Variants in CDC34 observed in about 807,000 individuals in gnomAD.
The protein encoded by CDC34 is ubiquitin-conjugating enzyme E2 R1.
Under a neutral mutation model 26.8 loss-of-function variants are expected in CDC34, and 18 were observed. That is an observed-to-expected ratio of 0.67 (90% CI 0.47 to 1.00). The LOEUF is 1.00. CDC34 is among the 50% of genes least tolerant of loss of function. The pLI, the probability that CDC34 is intolerant of heterozygous loss-of-function variation, is 0.00. For synonymous variants in CDC34, 178 were observed against 147.5 expected, an observed-to-expected ratio of 1.21 and a Z score of -1.50; for missense variants, 280 against 334.5, an observed-to-expected ratio of 0.84 and a Z score of 1.27.
Position 534,096 on chromosome 19 carries a change from T to C in CDC34, c.178-1741T>C, listed in dbSNP as rs17841742. Among the ~76,000 whole-genome samples the C allele has an allele frequency of 4.2e-3, 635 of 152,302 alleles. 4 individuals carry two copies. Among genetic ancestry groups the C allele is most frequent in the African/African-American group, 0.014 (602 of 41,562 alleles). The stretch of plus-strand genomic sequence containing the variant: ...AGAGGTGCCCAAAATAAGAGGCTCA[T>C]TGGGACTTGGTGGGGTTTGGTACAG... On this transcript the variant is annotated intron_variant, in intron 1 of 4. Coordinates refer to ENST00000215574, the MANE Select transcript of CDC34 (RefSeq NM_004359.2).
At position 541,572 on chromosome 19, in the gene CDC34, C is replaced by A. The variant is rs376816532; in HGVS notation, c.*20C>A. The stretch of plus-strand genomic sequence containing the variant: ...TCCTGACACCACCAGAATAAACTTG[C>A]CGAGTTTACCTCACTAGGGCCGGAC... On this transcript the variant is annotated 3_prime_UTR_variant, in exon 5 of 5. Transcript: ENST00000215574. The A allele has an allele frequency of 6.5e-7, 1 of 1,547,900 alleles. No homozygotes were observed. Among genetic ancestry groups the A allele is most frequent in the South Asian group, 1.2e-5 (1 of 81,918 alleles).
chr19:535,017 C>T (rs907266273), intron 1 of CDC34, among the ~76,000 whole-genome samples: 1 of 152,254 alleles, frequency 6.6e-6, no homozygotes, highest in Non-Finnish European at 1.5e-5. Context: ...GTGTCTGGCA[C>T]TGGGGCCCAG....
chr19:536,978 C>T, intron 3 of CDC34, 35 bp from the exon 4 acceptor site: 1 of 1,612,596 alleles, frequency 6.2e-7, no homozygotes, highest in Non-Finnish European at 8.5e-7. Context: ...CTGGGGTGCC[C>T]CGGGCCGCCC....
intron 4 of CDC34, chr19:538,629 C>T: frequency 9.4e-6 from 8 of 853,230 alleles, no homozygotes; most frequent in Non-Finnish European, 1.1e-5. Flanking sequence ...ATCTTAAAAA[C>T]AACTTTTAAA....
intron 4 of CDC34, 87 bp from the exon 5 acceptor site, chr19:541,252 G>T: frequency 1.4e-6 from 2 of 1,437,736 alleles, no homozygotes; most frequent in Admixed American, 2.7e-5. Context: ...TGAGCGTTGG[G>T]GTGAGCGTCG....
chr19:534,998 A>T (rs1979673996), intron 1 of CDC34, among the ~76,000 whole-genome samples: 1 of 152,224 alleles, frequency 6.6e-6, no homozygotes, highest in Non-Finnish European at 1.5e-5. Flanking sequence ...CCTGACCCAG[A>T]CAACCTCTGT....
At chr19:539,606 TC>T (rs1716555907) in intron 4 of CDC34, among the ~76,000 whole-genome samples, 1 of 152,044 alleles carries the variant, frequency 6.6e-6, no homozygotes, top group Admixed American at 6.5e-5. Flanking sequence ...CCTGGTGCCC[TC>T]CCATGCGGGC....
Position 532,040 on chromosome 19 carries a change from G to A in CDC34, c.109G>A (p.Asp37Asn). The change falls in exon 1 of 5, where the codon GAT (aspartate) becomes AAT (asparagine). Residue 37 changes from aspartate to asparagine, a missense_variant. Asp to Asn is a conservative substitution (Grantham distance 23). Coordinates refer to ENST00000215574, the MANE Select transcript of CDC34 (RefSeq NM_004359.2). ...GFRVTLVDEG[D>N]LYNWEVAIFG... ...CCGCGTGACACTGGTGGACGAGGGC[G>A]ATCTATACAACTGGGAGGTGGCCAT... 6.6e-7 allele frequency: 1 copy of A among 1,520,732 alleles called. No homozygotes were observed. The highest frequency in any genetic ancestry group is 8.7e-7 in the Non-Finnish European group (1 of 1,143,070). 94.2% of individuals were successfully genotyped at this position (1,520,732 alleles called of 1,614,324 possible).
chr19:532,659 G>C (rs1010945402), intron 1 of CDC34, among the ~76,000 whole-genome samples: 1 of 152,228 alleles, frequency 6.6e-6, no homozygotes, highest in Non-Finnish European at 1.5e-5. Flanking sequence ...GCGGCCACTC[G>C]CTCAGTCTCC....
chr19:534,421 C>T (rs1979635567), intron 1 of CDC34, among the ~76,000 whole-genome samples: 1 of 150,012 alleles, frequency 6.7e-6, no homozygotes. Flanking sequence ...CCCCGAGTAC[C>T]CTCCCTGTCC....
intron 1 of CDC34, among the ~76,000 whole-genome samples, chr19:535,378 A>G (rs1979692485): frequency 6.6e-6 from 1 of 152,186 alleles, no homozygotes; most frequent in South Asian, 2.1e-4. Context: ...CATCTGTGCT[A>G]ACCCTCCCCA....
chr19:535,060 C>A (rs1979677003), intron 1 of CDC34, among the ~76,000 whole-genome samples: 1 of 152,218 alleles, frequency 6.6e-6, no homozygotes, highest in Admixed American at 6.5e-5. Flanking sequence ...TGTTTACCTG[C>A]TGTGGCCCAG....
intron 1 of CDC34, among the ~76,000 whole-genome samples, chr19:533,755 G>A (rs972109854): frequency 1.6e-4 from 25 of 152,346 alleles, no homozygotes; most frequent in African/African-American, 5.1e-4. Context: ...TTCCCAGGGA[G>A]GGGGCCTCTA....
At chr19:539,110 T>C (rs771648834) in intron 4 of CDC34, 1 of 755,236 alleles carries the variant, frequency 1.3e-6, no homozygotes, top group South Asian at 5.9e-5. Flanking sequence ...TTTTCATCTG[T>C]GTGCGTGTTG....
At chr19:540,067 C>T (rs561933346) in intron 4 of CDC34, among the ~76,000 whole-genome samples, 27 of 113,760 alleles carry the variant, frequency 2.4e-4, no homozygotes, top group African/African-American at 7.6e-4. Flanking sequence ...ATCCGGAGGC[C>T]GGGGTGGCCA....
intron 4 of CDC34, among the ~76,000 whole-genome samples, chr19:540,107 G>C (rs1979946873): frequency 1.2e-5 from 1 of 81,460 alleles, no homozygotes. Context: ...CCGGAGGCCG[G>C]GGTGGCCAGG....
chr19:541,756 CG>C lies in CDC34; in HGVS notation c.*208del, dbSNP rs1980029624. 2.0e-6 allele frequency: 1 copy of C among 490,178 alleles called. No homozygotes were observed. The highest frequency in any genetic ancestry group is 4.4e-5 in the South Asian group (1 of 22,980). 30.4% of individuals were successfully genotyped at this position (490,178 alleles called of 1,614,324 possible). ...CTGCCCCACCGCCACTCACGTCACT[CG>C]GGGCTCGGTGGACGGGCCCAGGGTG... On this transcript the variant is annotated 3_prime_UTR_variant, in exon 5 of 5. Transcript: ENST00000215574.
chr19:539,812 C>A (rs10853979), intron 4 of CDC34, among the ~76,000 whole-genome samples: 54,692 of 151,952 alleles, frequency 0.36, 12,016 homozygotes, highest in East Asian at 0.56. Flanking sequence ...GGGGGACATT[C>A]TTGACGCGTG....
chr19:533,124 C>T (rs1005405735), intron 1 of CDC34, among the ~76,000 whole-genome samples: 3 of 152,206 alleles, frequency 2.0e-5, no homozygotes, highest in South Asian at 2.1e-4. Context: ...CCAGACGTGA[C>T]CTTTGACTTC....
Sources: allele counts gnomAD v4.1 joint callset (sites outside exome capture counted in the v4.1 genomes callset), GRCh38; gene constraint gnomAD v4.1.1; transcripts MANE v1.5; gene names NCBI Gene and HGNC (gene_info 2026-07-23, HGNC 2026-07-21).